Variants in ATP6V1B1 observed in about 807,000 individuals in gnomAD.
ATP6V1B1 encodes the protein ATPase H+ transporting V1 subunit B1.
ATP6V1B1 carries 41 observed loss-of-function variants against 62.1 expected under a neutral mutation model. The ratio of observed to expected loss-of-function variants is 0.66; its 90% CI spans 0.51 to 0.86. The LOEUF (loss-of-function observed/expected upper bound fraction) is 0.86, where lower values mean the gene tolerates loss of function less well. Among genes scored for constraint, ATP6V1B1 ranks in the 40% least tolerant of loss-of-function variants. ATP6V1B1 has a pLI of 0.00. For missense variants in ATP6V1B1, 651 were observed against 697.5 expected, an observed-to-expected ratio of 0.93 and a Z score of 0.75; for synonymous variants, 253 against 273.4, an observed-to-expected ratio of 0.93 and a Z score of 0.74.
Position 70,963,518 on chromosome 2 carries a change from G to C in ATP6V1B1, c.1061-54G>C, listed in dbSNP as rs1680639920. 5 of 1,581,118 alleles carry C rather than the reference G, an allele frequency of 3.2e-6. No homozygotes were observed. The African/African-American group carries it at 5.4e-5, about 17-fold the overall frequency. On this transcript the variant is annotated intron_variant, in intron 10 of 13. Transcript: ENST00000234396. This position sits in a 1 kb window ranked among gnomAD's most constrained non-coding sequence, Gnocchi z 4.3. ...GGAAACAGACCCCAGGTGGCCCTGA[G>C]TGGTTGGAGACCTGGGCCCCCACCC...
intron 11 of ATP6V1B1, chr2:70,964,136 T>TTTTTTTTTCA: frequency 3.4e-6 from 1 of 292,854 alleles, no homozygotes; most frequent in Non-Finnish European, 6.4e-6. Flanking sequence ...TTTTTTTTTT[T>TTTTTTTTTCA]GCAGCTATTA....
intron 1 of ATP6V1B1, among the ~76,000 whole-genome samples, chr2:70,938,108 G>A (rs1305476281): frequency 6.6e-6 from 1 of 152,118 alleles, no homozygotes; most frequent in Non-Finnish European, 1.5e-5. Flanking sequence ...ATCCTCACAG[G>A]ATGCACCGGG....
rs1212657976 is a variant in ATP6V1B1 at position 70,959,264 on chromosome 2, T to C, written c.445+169T>C. On this transcript the variant is annotated intron_variant, in intron 5 of 13. Transcript: ENST00000234396. The surrounding 1 kb of genome is among the most constrained non-coding windows in gnomAD (Gnocchi z 4.2). ...CCCCAACACTGCCGTCAGCACTCCA[T>C]GTCCATCCCCTGTAAAATGCCATCA... is the stretch of plus-strand genomic sequence containing the variant. Among the ~76,000 whole-genome samples, 1 of 152,206 alleles carries C rather than the reference T, an allele frequency of 6.6e-6. No homozygotes were observed. Among genetic ancestry groups the C allele is most frequent in the African/African-American group, 2.4e-5 (1 of 41,464 alleles).
rs1223778132 is a variant in ATP6V1B1 at position 70,963,015 on chromosome 2, C to G, written c.909+115C>G. Reference sequence around the variant, plus strand: ...TGGTCCACCCAAGCCTGCCCCACTCCCATGAGTTCCAGGGCTTGGTCTCAG... The same window carrying G: ...TGGTCCACCCAAGCCTGCCCCACTCGCATGAGTTCCAGGGCTTGGTCTCAG... On this transcript the variant is annotated intron_variant, in intron 9 of 13. Coordinates refer to ENST00000234396, the MANE Select transcript of ATP6V1B1 (RefSeq NM_001692.4). The surrounding 1 kb of genome is among the most constrained non-coding windows in gnomAD (Gnocchi z 4.3). The G allele has an allele frequency of 1.3e-6, 2 of 1,598,226 alleles. No homozygotes were observed. Among genetic ancestry groups the G allele is most frequent in the East Asian group, 2.2e-5 (1 of 44,810 alleles).
chr2:70,964,612 G>A (rs1680674026), intron 12 of ATP6V1B1, 70 bp downstream of exon 12: 3 of 1,610,590 alleles, frequency 1.9e-6, no homozygotes, highest in African/African-American at 2.7e-5. Context: ...AGCCCCATCT[G>A]AAGGACAAGC....
intron 4 of ATP6V1B1, 36 bp downstream of exon 4, chr2:70,958,462 CTCTGCCCT>C: frequency 1.9e-6 from 3 of 1,590,484 alleles, no homozygotes; most frequent in Non-Finnish European, 2.6e-6. Context: ...GGGGGTGCTC[CTCTGCCCT>C]CCCAGCCCAG....
rs1466285882 is a variant in ATP6V1B1, at chr2:70,939,257, G to C, written c.118+3185G>C. 3 of 152,360 alleles carry C rather than the reference G, an allele frequency of 2.0e-5. No individual in the cohort carries two copies. The East Asian group carries it at 5.8e-4, about 29-fold the overall frequency. The allele number at this position is 152,360 out of a possible 1,614,324, so 9.4% of individuals were successfully genotyped here. ...GAGGCGCTCCACCAGCCAGAAGTCC[G>C]GAGCGCAACCCAAAGTGTCAGCTAA... On this transcript the variant is annotated intron_variant, in intron 1 of 13. Coordinates refer to ENST00000234396, the MANE Select transcript of ATP6V1B1 (RefSeq NM_001692.4).
chr2:70,956,031 A>G (rs183071110), intron 2 of ATP6V1B1: 26 of 202,360 alleles, frequency 1.3e-4, no homozygotes, highest in Non-Finnish European at 2.5e-4. Context: ...TTACTAGCAC[A>G]TGTGAAGGAA....
In ATP6V1B1 at chr2:70,963,926, C is replaced by T; in HGVS notation, c.1143+272C>T. The T allele has an allele frequency of 1.8e-6, 1 of 546,220 alleles. No homozygotes were observed. Among genetic ancestry groups the T allele is most frequent in the Non-Finnish European group, 3.3e-6 (1 of 302,468 alleles). 33.8% of individuals were successfully genotyped at this position (546,220 alleles called of 1,614,324 possible). A position where few individuals can be genotyped will look rare whatever the true frequency, so the allele number is the denominator to read the frequency against. On this transcript the variant is annotated intron_variant, in intron 11 of 13. Transcript: ENST00000234396. The surrounding 1 kb of genome is among the most constrained non-coding windows in gnomAD (Gnocchi z 4.3). ...AATGGGAATAATCAAATATATCACC[C>T]AGACGCATTGTGGAGGATAAAAATA...
At chr2:70,946,530 G>A (rs2283776) in intron 2 of ATP6V1B1, among the ~76,000 whole-genome samples, 23,822 of 152,174 alleles carry the variant, frequency 0.16, 2,201 homozygotes, top group East Asian at 0.48. Flanking sequence ...AAGCCTTCCA[G>A]GTGAACTGAT....
intron 1 of ATP6V1B1, chr2:70,940,690 T>A (rs181359198): frequency 1.0e-6 from 1 of 985,372 alleles, no homozygotes; most frequent in Admixed American, 6.1e-5. Context: ...TCTCTTCTAC[T>A]CTCTGCCTTC....
intron 1 of ATP6V1B1, chr2:70,941,602 C>G (rs1680006073): frequency 1.1e-5 from 9 of 803,314 alleles, no homozygotes; most frequent in Non-Finnish European, 1.2e-5. Flanking sequence ...GTTATTTGCT[C>G]TGTATCCTTC....
chr2:70,946,218 T>G (rs537253223), intron 2 of ATP6V1B1, among the ~76,000 whole-genome samples: 1 of 152,314 alleles, frequency 6.6e-6, no homozygotes, highest in Admixed American at 6.5e-5. Flanking sequence ...CCAACAATAT[T>G]AAATAAATCA....
chr2:70,960,786 A>T (rs542322955), intron 6 of ATP6V1B1, 135 bp from the exon 7 acceptor site: 103 of 329,654 alleles, frequency 3.1e-4, no homozygotes, highest in African/African-American at 2.6e-3. Flanking sequence ...CCCAAGAAAG[A>T]CTAGCACCTG....
chr2:70,958,299 C>T, intron 3 of ATP6V1B1, 34 bp from the exon 4 acceptor site: 1 of 1,610,568 alleles, frequency 6.2e-7, no homozygotes, highest in Non-Finnish European at 8.5e-7. Flanking sequence ...TCCAGCAGGC[C>T]CCTTAGTGGA....
In ATP6V1B1 at chr2:70,959,436, ATC is replaced by A. The variant is rs1680526848; in HGVS notation, c.445+343_445+344del. On this transcript the variant is annotated intron_variant, in intron 5 of 13. Transcript: ENST00000234396. The surrounding 1 kb of genome is among the most constrained non-coding windows in gnomAD (Gnocchi z 4.2). The stretch of plus-strand genomic sequence containing the variant: ...TTCCCCAGGCCTCAAACCCTATCCC[ATC>A]TGTTTACTGAGGACACACTGGGAGG... Among the ~76,000 whole-genome samples, 2 of 152,226 alleles carry A rather than the reference ATC, an allele frequency of 1.3e-5. No homozygotes were observed. The highest frequency in any genetic ancestry group is 1.3e-4 in the Admixed American group (2 of 15,302).
intron 1 of ATP6V1B1, among the ~76,000 whole-genome samples, chr2:70,937,832 C>T (rs1679896172): frequency 6.6e-6 from 1 of 152,114 alleles, no homozygotes; most frequent in South Asian, 2.1e-4. Context: ...AGCCTGGAGC[C>T]ACCTCCAGCC....
chr2:70,951,934 T>G (rs1680331744), intron 2 of ATP6V1B1, among the ~76,000 whole-genome samples: 1 of 152,052 alleles, frequency 6.6e-6, no homozygotes, highest in Non-Finnish European at 1.5e-5. Context: ...TAGAACATTC[T>G]CTGTTTATGT....
At chr2:70,951,558 GC>G (rs1553418306) in intron 2 of ATP6V1B1, among the ~76,000 whole-genome samples, 1 of 151,932 alleles carries the variant, frequency 6.6e-6, no homozygotes, top group East Asian at 1.9e-4. Flanking sequence ...ACTTCCCACA[GC>G]CTTTCTTTGA....
Sources: gnomAD v4.1 joint callset for allele counts (sites outside exome capture counted in the v4.1 genomes callset) on GRCh38, gnomAD v4.1.1 for gene constraint, Gnocchi (gnomAD v3.1) non-coding constraint, MANE v1.5 for transcripts, NCBI Gene and HGNC (gene_info 2026-07-23, HGNC 2026-07-21) for gene names.